The following ALPK1 variants were observed in gnomAD, a reference collection of about 807,000 sequenced individuals.
ALPK1 encodes the protein alpha-protein kinase 1.
In ALPK1, 110 loss-of-function variants were observed where a neutral mutation model predicts 120.6. The observed-to-expected ratio is 0.91, with a 90% CI of 0.78 to 1.07. ALPK1 has a LOEUF of 1.07. Among genes scored for constraint, ALPK1 ranks in the 50% least tolerant of loss-of-function variants. The probability of loss-of-function intolerance (pLI) is 0.00; values close to 1 mark genes in which losing one functional copy is unlikely to be tolerated. For synonymous variants in ALPK1, 582 were observed against 560.3 expected (o/e 1.04, Z -0.55); for missense variants, 1,498 against 1,483.9 (o/e 1.01, Z -0.16).
At chr4:112,301,333 C>A (rs1727778388) in intron 1 of ALPK1, among the ~76,000 whole-genome samples, 1 of 152,120 alleles carries the variant, frequency 6.6e-6, no homozygotes, top group East Asian at 1.9e-4. Flanking sequence ...ACCTTTGAGC[C>A]CAGATTTCCT....
At chr4:112,352,891 CCTTT>C (rs1255060801) in intron 2 of ALPK1, 3 of 150,868 alleles carry the variant, frequency 2.0e-5, no homozygotes, top group Non-Finnish European at 4.4e-5. Context: ...TTCCTTCCTT[CCTTT>C]CTTTCTCTTT....
intron 2 of ALPK1, among the ~76,000 whole-genome samples, chr4:112,341,562 C>CT (rs569888984): frequency 6.6e-6 from 1 of 152,110 alleles, no homozygotes; most frequent in Non-Finnish European, 1.5e-5. Context: ...TTCATTATGT[C>CT]TTTTTTTAAA....
At chr4:112,331,902 T>C (rs1349262278) in intron 2 of ALPK1, among the ~76,000 whole-genome samples, 3 of 152,246 alleles carry the variant, frequency 2.0e-5, no homozygotes, top group Non-Finnish European at 4.4e-5. Context: ...GTGGGCAGCT[T>C]GGGTCTCATA....
intron 2 of ALPK1, among the ~76,000 whole-genome samples, chr4:112,321,087 T>C (rs113304671): frequency 0.084 from 12,761 of 151,772 alleles, 838 homozygotes; most frequent in Admixed American, 0.21. Flanking sequence ...TCAGTAGAAA[T>C]GGGGTTTCAC....
chr4:112,323,977 T>C (rs1326270337), intron 2 of ALPK1, among the ~76,000 whole-genome samples: 1 of 152,094 alleles, frequency 6.6e-6, no homozygotes, highest in African/African-American at 2.4e-5. Flanking sequence ...AGTCAGTGGG[T>C]TTGTCTCTAT....
intron 2 of ALPK1, among the ~76,000 whole-genome samples, chr4:112,371,043 G>C (rs191043206): frequency 6.6e-6 from 1 of 152,144 alleles, no homozygotes; most frequent in Non-Finnish European, 1.5e-5. Flanking sequence ...TATGGTGAAG[G>C]AGAAACTGAT....
intron 4 of ALPK1, among the ~76,000 whole-genome samples, chr4:112,393,646 C>A (rs17590064): frequency 0.017 from 2,641 of 152,222 alleles, 63 homozygotes; most frequent in East Asian, 0.08. Context: ...TAAATCTAGA[C>A]AAGGTCAAAT....
At chr4:112,299,218 TAAAA>T (rs1727681741) in intron 1 of ALPK1, among the ~76,000 whole-genome samples, 3 of 152,048 alleles carry the variant, frequency 2.0e-5, no homozygotes, top group South Asian at 4.1e-4. Flanking sequence ...TAGACAAACT[TAAAA>T]GAAAGAATAT....
At chr4:112,419,462 CAG>C (rs1308411101) in intron 5 of ALPK1, among the ~76,000 whole-genome samples, 6 of 140,078 alleles carry the variant, frequency 4.3e-5, no homozygotes, top group South Asian at 2.4e-4. Context: ...AGGTTTAAAA[CAG>C]AGAGGAAATT....
intron 2 of ALPK1, among the ~76,000 whole-genome samples, chr4:112,362,119 T>G (rs753615889): frequency 9.2e-5 from 14 of 152,186 alleles, no homozygotes; most frequent in Admixed American, 2.0e-4. Flanking sequence ...CCCTCTGACA[T>G]AGTCTAACCA....
chr4:112,396,320 G>A (rs2882662), intron 4 of ALPK1, among the ~76,000 whole-genome samples: 23,346 of 152,122 alleles, frequency 0.15, 2,556 homozygotes, highest in African/African-American at 0.32. Context: ...GGAGATTTTT[G>A]TAGTATTTCC....
chr4:112,384,502 T>A (rs2148730633), intron 4 of ALPK1: 1 of 152,372 alleles, frequency 6.6e-6, no homozygotes, highest in East Asian at 1.9e-4. Context: ...GCTGCCATTT[T>A]ATTGGACAGT....
At chr4:112,403,515 C>T (rs141029186) in intron 4 of ALPK1, among the ~76,000 whole-genome samples, 295 of 152,258 alleles carry the variant, frequency 1.9e-3, no homozygotes, top group African/African-American at 6.8e-3. Flanking sequence ...GAGGTTTGGG[C>T]CCTGAACGGA....
intron 2 of ALPK1, among the ~76,000 whole-genome samples, chr4:112,362,709 A>G (rs1730966120): frequency 6.6e-6 from 1 of 152,230 alleles, no homozygotes; most frequent in African/African-American, 2.4e-5. Context: ...AGAGATCTAG[A>G]TATTCACATA....
intron 4 of ALPK1, among the ~76,000 whole-genome samples, chr4:112,391,360 G>C (rs970990714): frequency 2.0e-5 from 3 of 152,124 alleles, no homozygotes; most frequent in Non-Finnish European, 4.4e-5. Flanking sequence ...AAAAAGTATG[G>C]ACAACAATTG....
intron 2 of ALPK1, among the ~76,000 whole-genome samples, chr4:112,346,303 T>C (rs1362809280): frequency 2.6e-5 from 4 of 152,244 alleles, no homozygotes; most frequent in African/African-American, 9.6e-5. Context: ...GGAAATTCAT[T>C]ATTTGAGTCT....
In ALPK1 at chr4:112,411,932, C is replaced by G; in HGVS notation, c.382C>G (p.Leu128Val). The G allele has an allele frequency of 6.2e-7, 1 of 1,614,174 alleles. No homozygotes were observed. Among genetic ancestry groups the G allele is most frequent in the Non-Finnish European group, 8.5e-7 (1 of 1,180,030 alleles). Reference protein sequence around the residue: ...LYGLDVSGKLLQVAKGLHKLQ... With the variant: ...LYGLDVSGKLVQVAKGLHKLQ... ...TGGGCTCGACGTCTCTGGAAAACTT[C>G]TGCAGGTCGCCAAAGGTCTCCACAA... is the stretch of plus-strand genomic sequence containing the variant. Residue 128 changes from leucine to valine, a missense_variant, in exon 5 of 16, where the codon CTG becomes GTG. By Grantham distance (32) the Leu-to-Val change is conservative (BLOSUM62 1). Transcript: ENST00000650871.
At position 112,323,535 on chromosome 4, in the gene ALPK1, T is replaced by C. The variant is rs140880693; in HGVS notation, c.-101+7683T>C. ...GCCACAAATCTTAATCTTTAACAAT[T>C]TGATTTTTTTGAAAAGCATGGAATT... On this transcript the variant is annotated intron_variant, in intron 2 of 15. Coordinates refer to ENST00000650871, the MANE Select transcript of ALPK1 (RefSeq NM_025144.4). Among the ~76,000 whole-genome samples, 406 of 152,308 alleles carry C rather than the reference T, an allele frequency of 2.7e-3. 1 individual carries two copies. The highest frequency in any genetic ancestry group is 4.2e-3 in the Non-Finnish European group (287 of 68,028).
chr4:112,355,760 G>A (rs1011225897), intron 2 of ALPK1, among the ~76,000 whole-genome samples: 2 of 152,234 alleles, frequency 1.3e-5, no homozygotes, highest in African/African-American at 4.8e-5. Context: ...CCCCATCCGT[G>A]GGGTAACAGT....
Sources: gnomAD v4.1 joint callset for allele counts (sites outside exome capture counted in the v4.1 genomes callset) on GRCh38, gnomAD v4.1.1 for gene constraint, MANE v1.5 for transcripts, NCBI Gene and HGNC (gene_info 2026-07-23, HGNC 2026-07-21) for gene names.